Variants in PCDHGA4 observed in about 807,000 individuals in gnomAD.
The protein encoded by PCDHGA4 is protocadherin gamma-A4.
In PCDHGA4, 38 loss-of-function variants were observed where a neutral mutation model predicts 54.6. That is an observed-to-expected ratio of 0.70 (90% CI 0.54 to 0.91). The LOEUF (loss-of-function observed/expected upper bound fraction) is 0.91, where lower values mean the gene tolerates loss of function less well. PCDHGA4 is among the 40% of genes least tolerant of loss of function. PCDHGA4 has a pLI of 0.00. For missense variants in PCDHGA4, 1,298 were observed against 1,220.9 expected, an observed-to-expected ratio of 1.06 and a Z score of -0.94; for synonymous variants, 511 against 512.9, an observed-to-expected ratio of 1.00 and a Z score of 0.05.
intron 1 of PCDHGA4, chr5:141,404,741 GACT>G: frequency 6.2e-7 from 1 of 1,614,072 alleles, no homozygotes; most frequent in Non-Finnish European, 8.5e-7. Flanking sequence ...AGTGGACAGA[GACT>G]CAGGCCAGAA....
intron 1 of PCDHGA4, chr5:141,428,236 G>A (rs1474911413): frequency 9.7e-7 from 1 of 1,026,978 alleles, no homozygotes; most frequent in Admixed American, 1.9e-5. Context: ...CAGCCTGCAG[G>A]AGGCACTGCC....
chr5:141,362,156 A>T (rs1762353801), intron 1 of PCDHGA4: 1 of 1,613,872 alleles, frequency 6.2e-7, no homozygotes, highest in Non-Finnish European at 8.5e-7. Flanking sequence ...GTATTGCCAG[A>T]CCTCAGCGAC....
intron 1 of PCDHGA4, chr5:141,364,409 G>A: frequency 6.2e-7 from 1 of 1,611,256 alleles, no homozygotes; most frequent in Non-Finnish European, 8.5e-7. Flanking sequence ...GTGCGAGCCA[G>A]GATCCGGGCA....
At chr5:141,406,446 C>T (rs1292880739) in intron 1 of PCDHGA4, among the ~76,000 whole-genome samples, 1 of 152,200 alleles carries the variant, frequency 6.6e-6, no homozygotes, top group Non-Finnish European at 1.5e-5. Flanking sequence ...TCTTCCATTT[C>T]TATGACAGGA....
intron 1 of PCDHGA4, among the ~76,000 whole-genome samples, chr5:141,465,219 C>A (rs1272266733): frequency 6.6e-6 from 1 of 152,004 alleles, no homozygotes; most frequent in Non-Finnish European, 1.5e-5. Context: ...TATTTTTCAA[C>A]ATGAGCTCCA....
intron 1 of PCDHGA4, chr5:141,479,217 A>G (rs1433108919): frequency 1.3e-5 from 2 of 152,400 alleles, no homozygotes; most frequent in Non-Finnish European, 2.9e-5. Context: ...TTAAAAAATT[A>G]AAACTATAAT....
chr5:141,424,383 T>C (rs2096817494), intron 1 of PCDHGA4: 2 of 152,238 alleles, frequency 1.3e-5, no homozygotes, highest in Non-Finnish European at 2.9e-5. Context: ...AAGCTCTAGA[T>C]GTCTTTTCCA....
intron 1 of PCDHGA4, chr5:141,423,072 G>A: frequency 1.2e-6 from 2 of 1,614,120 alleles, no homozygotes; most frequent in Non-Finnish European, 1.7e-6. Flanking sequence ...CCAGCGAGCC[G>A]GGACTCTTCG....
At chr5:141,385,142 C>T (rs1420566063) in intron 1 of PCDHGA4, 2 of 1,614,210 alleles carry the variant, frequency 1.2e-6, no homozygotes, top group Non-Finnish European at 1.7e-6. Flanking sequence ...GGGGTGCAGG[C>T]TTTCCTGCAG....
rs1477534800 is a variant in PCDHGA4, at chr5:141,404,988, A to G, written c.2514+47367A>G. The G allele has an allele frequency of 5.0e-6, 8 of 1,613,868 alleles. 1 individual carries two copies. The South Asian group carries it at 7.7e-5, about 16-fold the overall frequency. On this transcript the variant is annotated intron_variant, in intron 1 of 3. Coordinates refer to ENST00000571252, the MANE Select transcript of PCDHGA4 (RefSeq NM_018917.4). ...ATCCTGGCTGACCTGGGCAGTCTTCAGATCCCTGCAGACCTGGAGGCCTCA... is the reference window on the plus strand; with the variant it reads ...ATCCTGGCTGACCTGGGCAGTCTTCGGATCCCTGCAGACCTGGAGGCCTCA...
chr5:141,415,686 G>T, intron 1 of PCDHGA4: 2 of 1,535,424 alleles, frequency 1.3e-6, no homozygotes, highest in Middle Eastern at 1.7e-4. Flanking sequence ...GCGGCATGAT[G>T]GTGGAAAGTG....
chr5:141,491,322 C>T lies in PCDHGA4; in HGVS notation c.2515-3485C>T. 6.2e-7 allele frequency: 1 copy of T among 1,614,156 alleles called. No individual in the cohort carries two copies. Among genetic ancestry groups the T allele is most frequent in the East Asian group, 2.2e-5 (1 of 44,860 alleles). On this transcript the variant is annotated intron_variant, in intron 1 of 3. Coordinates refer to ENST00000571252, the MANE Select transcript of PCDHGA4 (RefSeq NM_018917.4). This position sits in a 1 kb window ranked among gnomAD's most constrained non-coding sequence, Gnocchi z 6.9. ...AGCGTTCAGACCTTACCCTTTACCT[C>T]ATTGTGGCTCTAGCGACCGTCAGTC...
chr5:141,477,988 C>T lies in PCDHGA4; in HGVS notation c.2515-16819C>T, dbSNP rs771241128. The T allele has an allele frequency of 6.2e-7, 1 of 1,614,160 alleles. No individual in the cohort carries two copies. Among genetic ancestry groups the T allele is most frequent in the Non-Finnish European group, 8.5e-7 (1 of 1,180,032 alleles). On this transcript the variant is annotated intron_variant, in intron 1 of 3. Coordinates refer to ENST00000571252, the MANE Select transcript of PCDHGA4 (RefSeq NM_018917.4). This position sits in a 1 kb window ranked among gnomAD's most constrained non-coding sequence, Gnocchi z 4.9. ...AGAGCCTTTTTGCCATAGGGCTGCA[C>T]ACTGGTCAAATCAGTACTGCCCGTC...
chr5:141,494,556 T>C (rs909822734), intron 1 of PCDHGA4, among the ~76,000 whole-genome samples: 18 of 152,120 alleles, frequency 1.2e-4, no homozygotes, highest in African/African-American at 4.3e-4. Context: ...GCCATTTCTT[T>C]AGGAAAGGAG....
chr5:141,418,579 A>G (rs1561774780), intron 1 of PCDHGA4: 1 of 1,614,000 alleles, frequency 6.2e-7, no homozygotes, highest in Admixed American at 1.7e-5. Flanking sequence ...ACAACCCCCC[A>G]GTGTTCAGCC....
At chr5:141,398,149 C>T (rs761559295) in intron 1 of PCDHGA4, 29 of 1,497,086 alleles carry the variant, frequency 1.9e-5, no homozygotes, top group Non-Finnish European at 2.6e-5. Context: ...CGCCGGGGAG[C>T]TGGGCCGGGC....
intron 1 of PCDHGA4, chr5:141,399,794 C>T (rs2093888579): frequency 1.9e-6 from 3 of 1,613,268 alleles, no homozygotes; most frequent in Middle Eastern, 1.7e-4. Flanking sequence ...GACAACGCAC[C>T]GCGGGTGCTG....
In PCDHGA4 at chr5:141,421,780, G is replaced by A. The variant is rs1259671007; in HGVS notation, c.2514+64159G>A. On this transcript the variant is annotated intron_variant, in intron 1 of 3. Coordinates refer to ENST00000571252, the MANE Select transcript of PCDHGA4 (RefSeq NM_018917.4). ...TAATTACTTTTCCTTGCAACTGCGGGGCAGAACGGATGGGGCCAAGAATCC... is the reference window on the plus strand; with the variant it reads ...TAATTACTTTTCCTTGCAACTGCGGAGCAGAACGGATGGGGCCAAGAATCC... The A allele has an allele frequency of 2.5e-6, 4 of 1,613,856 alleles. No homozygotes were observed. In the South Asian group the frequency reaches 4.4e-5, roughly 18 times the overall value.
chr5:141,366,765 T>C (rs373961637), intron 1 of PCDHGA4: 83 of 1,604,590 alleles, frequency 5.2e-5, no homozygotes, highest in Non-Finnish European at 6.9e-5. Flanking sequence ...AGTTTTCTCT[T>C]TCGGTAAGGA....
Sources: gnomAD v4.1 joint callset for allele counts (sites outside exome capture counted in the v4.1 genomes callset) on GRCh38, gnomAD v4.1.1 for gene constraint, Gnocchi (gnomAD v3.1) non-coding constraint, MANE v1.5 for transcripts, NCBI Gene and HGNC (gene_info 2026-07-23, HGNC 2026-07-21) for gene names.